Variants in CASK observed in about 807,000 individuals in gnomAD.
CASK encodes the protein peripheral plasma membrane protein CASK.
CASK carries 4 observed loss-of-function variants against 82.9 expected under a neutral mutation model. That is an observed-to-expected ratio of 0.05 (90% CI 0.02 to 0.11). CASK has a LOEUF of 0.11. Among genes scored for constraint, CASK ranks in the 10% least tolerant of loss-of-function variants. CASK has a pLI of 1.00. For synonymous variants in CASK, 259 were observed against 253.5 expected (o/e 1.02, Z -0.20); for missense variants, 358 against 720.9 (o/e 0.50, Z 5.76).
intron 12 of CASK, among the ~76,000 whole-genome samples, chrX:41,603,553 C>A (rs1018712209): frequency 1.8e-5 from 2 of 112,289 alleles, no homozygotes; most frequent in African/African-American, 6.5e-5. Flanking sequence ...GTTACTAAGT[C>A]TATTATAAAA....
chrX:41,671,874 T>C (rs2067201560), intron 5 of CASK, among the ~76,000 whole-genome samples: 1 of 111,896 alleles, frequency 8.9e-6, no homozygotes, highest in African/African-American at 3.3e-5. Context: ...AGTGACAGTC[T>C]AGATTTCTTT....
intron 1 of CASK, among the ~76,000 whole-genome samples, chrX:41,880,870 C>T (rs184839566): frequency 9.0e-6 from 1 of 111,683 alleles, no homozygotes; most frequent in East Asian, 2.8e-4. Flanking sequence ...AATCTCATAT[C>T]TCTTAGATCC....
At chrX:41,846,209 T>C (rs1292250030) in intron 2 of CASK, among the ~76,000 whole-genome samples, 1 of 111,524 alleles carries the variant, frequency 9.0e-6, no homozygotes, top group Non-Finnish European at 1.9e-5. Context: ...AAAGAAAATG[T>C]GGTACATATA....
At chrX:41,876,338 CAGAT>C (rs2148016907) in intron 1 of CASK, among the ~76,000 whole-genome samples, 1 of 111,311 alleles carries the variant, frequency 9.0e-6, no homozygotes, top group South Asian at 3.7e-4. Flanking sequence ...GCTATAGCCC[CAGAT>C]CAAGTAACTG....
At chrX:41,836,297 G>A (rs1462375604) in intron 2 of CASK, among the ~76,000 whole-genome samples, 2 of 112,064 alleles carry the variant, frequency 1.8e-5, no homozygotes, top group African/African-American at 6.5e-5. Context: ...ATTATGATCA[G>A]GAACTGTGAA....
intron 1 of CASK, among the ~76,000 whole-genome samples, chrX:41,859,656 A>G (rs1329343661): frequency 8.9e-6 from 1 of 112,143 alleles, no homozygotes; most frequent in Non-Finnish European, 1.9e-5. Context: ...CCTAAGCACA[A>G]GAAGGCTGTG....
intron 2 of CASK, among the ~76,000 whole-genome samples, chrX:41,811,370 G>C (rs1346116227): frequency 1.0e-5 from 1 of 98,174 alleles, no homozygotes; most frequent in Non-Finnish European, 2.1e-5. Context: ...TAAAAGAACA[G>C]AAATTATAAC....
intron 1 of CASK, among the ~76,000 whole-genome samples, chrX:41,912,036 C>T (rs1011727951): frequency 9.3e-6 from 1 of 107,810 alleles, no homozygotes; most frequent in African/African-American, 3.4e-5. Context: ...CCCCTTGCCC[C>T]CCAACCCCCA....
chrX:41,861,981 TAC>T (rs2071499747), intron 1 of CASK, among the ~76,000 whole-genome samples: 1 of 105,142 alleles, frequency 9.5e-6, no homozygotes, highest in Non-Finnish European at 1.9e-5. Context: ...ATTATACACA[TAC>T]ATATATACAT....
At chrX:41,579,122 G>A (rs1464713700) in intron 14 of CASK, among the ~76,000 whole-genome samples, 3 of 111,812 alleles carry the variant, frequency 2.7e-5, no homozygotes, top group Non-Finnish European at 5.6e-5. Flanking sequence ...AAAAGAAATA[G>A]TGCAATAATT....
intron 3 of CASK, among the ~76,000 whole-genome samples, chrX:41,771,806 A>G (rs2069249564): frequency 9.0e-6 from 1 of 111,650 alleles, no homozygotes; most frequent in Non-Finnish European, 1.9e-5. Flanking sequence ...ACATAAGACC[A>G]TAGATAAAAC....
intron 1 of CASK, among the ~76,000 whole-genome samples, chrX:41,889,782 T>C (rs2072130596): frequency 9.0e-6 from 1 of 111,684 alleles, no homozygotes; most frequent in Non-Finnish European, 1.9e-5. Context: ...AAGAGTATTA[T>C]GCCTAATATT....
At chrX:41,624,947 T>C (rs1049399350) in intron 10 of CASK, among the ~76,000 whole-genome samples, 4 of 109,764 alleles carry the variant, frequency 3.6e-5, no homozygotes, top group Non-Finnish European at 7.6e-5. Flanking sequence ...AAATATGGAG[T>C]GGCTCTAATG....
intron 9 of CASK, among the ~76,000 whole-genome samples, chrX:41,633,499 T>C (rs904326892): frequency 9.0e-6 from 1 of 111,152 alleles, no homozygotes; most frequent in Non-Finnish European, 1.9e-5. Flanking sequence ...GTCTGTCTCA[T>C]GTATCCTAAT....
At chrX:41,859,729 T>C (rs2071441460) in intron 1 of CASK, among the ~76,000 whole-genome samples, 1 of 111,613 alleles carries the variant, frequency 9.0e-6, no homozygotes, top group African/African-American at 3.3e-5. Flanking sequence ...GTTATAACAA[T>C]GTTGGCTGTG....
intron 3 of CASK, among the ~76,000 whole-genome samples, chrX:41,769,262 C>A (rs1257294286): frequency 1.0e-5 from 1 of 97,572 alleles, no homozygotes. Flanking sequence ...GTAGTATGAT[C>A]TTGGCTCATT....
At chrX:41,827,145 GA>G (rs1360191233) in intron 2 of CASK, among the ~76,000 whole-genome samples, 1 of 111,757 alleles carries the variant, frequency 8.9e-6, no homozygotes, top group Non-Finnish European at 1.9e-5. Context: ...AAATTTTTAA[GA>G]AAAAAGTAAA....
intron 8 of CASK, among the ~76,000 whole-genome samples, chrX:41,649,043 G>C (rs1388036013): frequency 8.9e-6 from 1 of 111,810 alleles, no homozygotes; most frequent in African/African-American, 3.3e-5. Context: ...TATTTGAGTA[G>C]AGGTGTTTAT....
intron 5 of CASK, among the ~76,000 whole-genome samples, chrX:41,725,774 T>TA (rs1049941649): frequency 8.9e-6 from 1 of 112,039 alleles, no homozygotes; most frequent in East Asian, 2.8e-4. Context: ...TCATATCCTT[T>TA]AAAAAAAATC....
Sources: gnomAD v4.1 joint callset for allele counts (sites outside exome capture counted in the v4.1 genomes callset) on GRCh38, gnomAD v4.1.1 for gene constraint, MANE v1.5 for transcripts, NCBI Gene and HGNC (gene_info 2026-07-23, HGNC 2026-07-21) for gene names.